CNTN3: variants seen among roughly 807,000 people sequenced by gnomAD.
The protein encoded by CNTN3 is contactin-3.
A neutral mutation model predicts 119.1 loss-of-function variants in CNTN3; 60 were observed. The ratio of observed to expected loss-of-function variants is 0.50; its 90% confidence interval spans 0.41 to 0.62. The LOEUF (loss-of-function observed/expected upper bound fraction) is 0.62, where lower values mean the gene tolerates loss of function less well. CNTN3 is among the 20% of genes least tolerant of loss of function. The pLI is 0.00. For missense variants in CNTN3, 1,101 were observed against 1,242.4 expected, an observed-to-expected ratio of 0.89 and a Z score of 1.71; for synonymous variants, 450 against 438.7, an observed-to-expected ratio of 1.03 and a Z score of -0.32.
chr3:74,572,618 A>T (rs1704352708), intron 1 of CNTN3, among the ~76,000 whole-genome samples: 1 of 152,234 alleles, frequency 6.6e-6, no homozygotes, highest in African/African-American at 2.4e-5. Context: ...CAAACACACT[A>T]ATTAAACTCT....
At chr3:74,386,334 T>C (rs1463867402) in intron 5 of CNTN3, among the ~76,000 whole-genome samples, 1 of 152,066 alleles carries the variant, frequency 6.6e-6, no homozygotes, top group East Asian at 1.9e-4. Flanking sequence ...CAAACATGAG[T>C]ATATGGCTGG....
At chr3:74,444,706 TAC>T (rs1052861631) in intron 4 of CNTN3, among the ~76,000 whole-genome samples, 1 of 152,178 alleles carries the variant, frequency 6.6e-6, no homozygotes, top group Non-Finnish European at 1.5e-5. Flanking sequence ...AGGTTTGGTC[TAC>T]TCCTACGAAA....
chr3:74,521,578 G>A (rs1409158527), intron 1 of CNTN3, among the ~76,000 whole-genome samples: 1 of 151,730 alleles, frequency 6.6e-6, no homozygotes, highest in Admixed American at 6.6e-5. Flanking sequence ...CAGATATCTT[G>A]AAGCACTAAT....
intron 1 of CNTN3, among the ~76,000 whole-genome samples, chr3:74,565,699 T>C (rs146040656): frequency 6.6e-6 from 1 of 152,274 alleles, no homozygotes; most frequent in Non-Finnish European, 1.5e-5. Flanking sequence ...TCAGTCAACC[T>C]TGGTGAGCCT....
intron 5 of CNTN3, among the ~76,000 whole-genome samples, chr3:74,385,135 T>C (rs187328512): frequency 6.6e-6 from 1 of 152,318 alleles, no homozygotes; most frequent in East Asian, 1.9e-4. Context: ...TCACTTCTTG[T>C]TAGAGAAGGA....
chr3:74,338,632 T>G (rs1167494648), intron 11 of CNTN3, among the ~76,000 whole-genome samples: 2 of 152,110 alleles, frequency 1.3e-5, no homozygotes, highest in African/African-American at 4.8e-5. Context: ...ATTTGCATCC[T>G]GGTTACACTT....
intron 4 of CNTN3, among the ~76,000 whole-genome samples, chr3:74,482,723 TAGAG>T (rs989575673): frequency 6.6e-6 from 1 of 152,072 alleles, no homozygotes; most frequent in African/African-American, 2.4e-5. Context: ...ATTGAACAAT[TAGAG>T]AGAACATTTT....
chr3:74,474,179 T>C (rs1702613849), intron 4 of CNTN3, among the ~76,000 whole-genome samples: 1 of 152,108 alleles, frequency 6.6e-6, no homozygotes, highest in Non-Finnish European at 1.5e-5. Context: ...GGCCAGATTC[T>C]GGGTATATTT....
chr3:74,340,906 G>GT (rs1703519708), intron 11 of CNTN3, among the ~76,000 whole-genome samples: 1 of 152,120 alleles, frequency 6.6e-6, no homozygotes, highest in Non-Finnish European at 1.5e-5. Flanking sequence ...ATGAATTAGT[G>GT]TAACAGCTAA....
intron 5 of CNTN3, among the ~76,000 whole-genome samples, chr3:74,395,764 G>C (rs928388123): frequency 6.6e-6 from 1 of 152,098 alleles, no homozygotes; most frequent in Admixed American, 6.6e-5. Context: ...TATTGTGTGT[G>C]TGTGTTTTTT....
chr3:74,601,210 T>G (rs529475245), intron 1 of CNTN3, among the ~76,000 whole-genome samples: 4 of 152,076 alleles, frequency 2.6e-5, no homozygotes, highest in African/African-American at 9.6e-5. Context: ...TTACAATAGA[T>G]TTATACAGTA....
At position 74,533,295 on chromosome 3, in the gene CNTN3, A is replaced by G. The variant is rs185463178; in HGVS notation, c.-80-12103T>C. On this transcript the variant is annotated intron_variant, in intron 1 of 22. Transcript: ENST00000263665. Reference sequence around the variant, plus strand: ...CCTTCTCTTAACTCTGAAACTACTCAGGGAGCTCTCTTAGGCTAAACATAC... The same window carrying G: ...CCTTCTCTTAACTCTGAAACTACTCGGGGAGCTCTCTTAGGCTAAACATAC... 2.0e-5 allele frequency among the ~76,000 whole-genome samples: 3 copies of G among 152,172 alleles called. No homozygotes were observed. In the East Asian group the frequency reaches 5.8e-4, roughly 30 times the overall value.
intron 11 of CNTN3, among the ~76,000 whole-genome samples, chr3:74,340,176 A>T (rs1703500768): frequency 1.3e-5 from 2 of 152,160 alleles, no homozygotes; most frequent in Admixed American, 1.3e-4. Context: ...TGCAAAAGCC[A>T]AGCTATTTTG....
intron 1 of CNTN3, among the ~76,000 whole-genome samples, chr3:74,585,985 C>CA (rs1704586713): frequency 6.6e-6 from 1 of 152,082 alleles, no homozygotes; most frequent in Admixed American, 6.6e-5. Context: ...TACCATGTAT[C>CA]AAGTAGAATA....
intron 19 of CNTN3, among the ~76,000 whole-genome samples, chr3:74,287,206 T>C (rs1702132252): frequency 6.6e-6 from 1 of 152,228 alleles, no homozygotes; most frequent in African/African-American, 2.4e-5. Context: ...TCCTTCAGAA[T>C]CATAAAACCA....
intron 1 of CNTN3, among the ~76,000 whole-genome samples, chr3:74,533,576 C>A (rs2107138326): frequency 6.6e-6 from 1 of 152,066 alleles, no homozygotes; most frequent in South Asian, 2.1e-4. Flanking sequence ...GATGAAATAA[C>A]TGAGGTAGAA....
chr3:74,499,922 G>T (rs1703134667), intron 2 of CNTN3, 137 bp from the exon 3 acceptor site: 1 of 753,870 alleles, frequency 1.3e-6, no homozygotes, highest in Non-Finnish European at 2.0e-6. Flanking sequence ...ATGCTCTGTA[G>T]ACATTGTTTT....
At chr3:74,352,676 A>G (rs995093852) in intron 11 of CNTN3, among the ~76,000 whole-genome samples, 2 of 152,234 alleles carry the variant, frequency 1.3e-5, no homozygotes, top group African/African-American at 2.4e-5. Flanking sequence ...ATGATAAATT[A>G]GAAAACAACA....
chr3:74,592,887 A>C (rs1233487484), intron 1 of CNTN3, among the ~76,000 whole-genome samples: 2 of 152,030 alleles, frequency 1.3e-5, no homozygotes, highest in East Asian at 3.9e-4. Context: ...AAAATAAGTG[A>C]AATTCACTAA....
Sources: gnomAD v4.1 joint callset for allele counts (sites outside exome capture counted in the v4.1 genomes callset) on GRCh38, gnomAD v4.1.1 for gene constraint, MANE v1.5 for transcripts, NCBI Gene and HGNC (gene_info 2026-07-23, HGNC 2026-07-21) for gene names.